Variants in TNFRSF9 observed in about 807,000 individuals in gnomAD.
TNFRSF9 encodes the protein tumor necrosis factor receptor superfamily member 9.
Under a neutral mutation model 28.8 loss-of-function variants are expected in TNFRSF9, and 16 were observed. The ratio of observed to expected loss-of-function variants is 0.55; its 90% CI spans 0.38 to 0.84. The LOEUF is 0.84. TNFRSF9 is among the 40% of genes least tolerant of loss of function. The pLI, the probability that TNFRSF9 is intolerant of heterozygous loss-of-function variation, is 0.00. For missense variants in TNFRSF9, 303 were observed against 315.0 expected, an observed-to-expected ratio of 0.96 and a Z score of 0.29; for synonymous variants, 131 against 117.0, an observed-to-expected ratio of 1.12 and a Z score of -0.77.
rs1243135392 is a variant in TNFRSF9, at chr1:7,920,861, C to G, written c.742G>C (p.Glu248Gln). 3 of 1,613,842 alleles carry G rather than the reference C, an allele frequency of 1.9e-6. No homozygotes were observed. Among genetic ancestry groups the G allele is most frequent in the Non-Finnish European group, 2.5e-6 (3 of 1,179,966 alleles). Residue 248 changes from glutamate to glutamine, a missense_variant, in exon 8 of 8, where the codon GAA (glutamate) becomes CAA (glutamine). Physicochemically the swap from Glu to Gln is conservative, Grantham distance 29. Coordinates refer to ENST00000377507, the MANE Select transcript of TNFRSF9 (RefSeq NM_001561.6). ...EDGCSCRFPE[E>Q]EEGGCEL The stretch of plus-strand genomic sequence containing the variant: ...CACAGTTCACATCCTCCTTCTTCTT[C>G]TTCTGGAAATCGGCAGCTACAGCCA...
At chr1:7,939,379 A>G (rs914245150) in intron 2 of TNFRSF9, among the ~76,000 whole-genome samples, 42 of 152,086 alleles carry the variant, frequency 2.8e-4, no homozygotes, top group Non-Finnish European at 5.3e-4. Flanking sequence ...TATTGTAACA[A>G]ATAAATCAAC....
chr1:7,927,706 CTG>C (rs1265851661), intron 7 of TNFRSF9, among the ~76,000 whole-genome samples: 2 of 150,400 alleles, frequency 1.3e-5, no homozygotes, highest in African/African-American at 4.9e-5. Context: ...AAATAGAAAA[CTG>C]TAAAAGTTAT....
intron 7 of TNFRSF9, among the ~76,000 whole-genome samples, chr1:7,927,951 A>G (rs1257438598): frequency 1.3e-5 from 2 of 152,212 alleles, no homozygotes; most frequent in South Asian, 2.1e-4. Flanking sequence ...AAATACGAAG[A>G]ACTCTTGAAT....
rs911158631 is a variant in TNFRSF9, at chr1:7,919,455, T to C, written c.*1380A>G. On this transcript the variant is annotated 3_prime_UTR_variant, in exon 8 of 8. Coordinates refer to ENST00000377507, the MANE Select transcript of TNFRSF9 (RefSeq NM_001561.6). Reference sequence around the variant, plus strand: ...ACTGGGAGGCGGTGATCCAAGATTGTACCACTGTACTCCAGCCTGGGAGAC... The same window carrying C: ...ACTGGGAGGCGGTGATCCAAGATTGCACCACTGTACTCCAGCCTGGGAGAC... The C allele has an allele frequency of 2.0e-5, 3 of 152,108 alleles. No homozygotes were observed. The highest frequency in any genetic ancestry group is 7.2e-5 in the African/African-American group (3 of 41,426). The allele number at this position is 152,108 out of a possible 1,614,324, so 9.4% of individuals were successfully genotyped here. A position where few individuals can be genotyped will look rare whatever the true frequency, so the allele number is the denominator to read the frequency against.
At chr1:7,926,591 G>A (rs986995946) in intron 7 of TNFRSF9, among the ~76,000 whole-genome samples, 1 of 152,092 alleles carries the variant, frequency 6.6e-6, no homozygotes, top group Non-Finnish European at 1.5e-5. Flanking sequence ...AAATGTATGT[G>A]GAAATGCAAA....
intron 7 of TNFRSF9, among the ~76,000 whole-genome samples, chr1:7,930,033 G>A (rs9658004): frequency 1.4e-5 from 2 of 138,234 alleles, no homozygotes; most frequent in Admixed American, 8.3e-5. Context: ...GCAATGGCAC[G>A]ATCTCAGTTC....
At chr1:7,938,471 A>G in intron 3 of TNFRSF9, 141 bp from the exon 4 acceptor site, 1 of 1,024,618 alleles carries the variant, frequency 9.8e-7, no homozygotes, top group Non-Finnish European at 1.4e-6. Context: ...TTAAATCTCC[A>G]TAAAGACATT....
chr1:7,930,814 A>C (rs948625679), intron 7 of TNFRSF9, among the ~76,000 whole-genome samples: 1 of 152,194 alleles, frequency 6.6e-6, no homozygotes, highest in Non-Finnish European at 1.5e-5. Context: ...GTGAGAACGC[A>C]GAGGTTTAAA....
intron 7 of TNFRSF9, among the ~76,000 whole-genome samples, chr1:7,924,493 G>A (rs186515329): frequency 7.2e-5 from 11 of 151,894 alleles, no homozygotes; most frequent in Non-Finnish European, 1.5e-4. Context: ...CAGGCATGGC[G>A]GCATGCACCT....
Position 7,938,314 on chromosome 1 carries a change from C to G in TNFRSF9, c.225G>C (p.Arg75Ser). Residue 75 changes from arginine to serine, a missense_variant, in exon 4 of 8, where the codon AGG becomes AGC. By Grantham distance (110) the Arg-to-Ser change is moderately radical. Coordinates refer to ENST00000377507, the MANE Select transcript of TNFRSF9 (RefSeq NM_001561.6). The stretch of plus-strand genomic sequence containing the variant: ...CATTGCTGGTGGAGGAACACTCCTT[C>G]CTGGTCCTGAAAACACCTACAAAGT... Reference protein sequence around the residue: ...CRQCKGVFRTRKECSSTSNAE... With the variant: ...CRQCKGVFRTSKECSSTSNAE... The G allele has an allele frequency of 3.1e-6, 5 of 1,605,724 alleles. No individual in the cohort carries two copies. Among genetic ancestry groups the G allele is most frequent in the Non-Finnish European group, 4.3e-6 (5 of 1,176,402 alleles).
intron 7 of TNFRSF9, among the ~76,000 whole-genome samples, chr1:7,923,521 A>G (rs1365142846): frequency 6.6e-6 from 1 of 152,164 alleles, no homozygotes; most frequent in Non-Finnish European, 1.5e-5. Flanking sequence ...TGTCAGAGGA[A>G]CCCTGAGAAA....
chr1:7,930,358 A>G (rs367767991), intron 7 of TNFRSF9, among the ~76,000 whole-genome samples: 1 of 152,148 alleles, frequency 6.6e-6, no homozygotes, highest in Non-Finnish European at 1.5e-5. Context: ...AGTGTCCTAA[A>G]AACTTTTAAA....
Position 7,935,136 on chromosome 1 carries a change from A to C in TNFRSF9, c.421T>G (p.Leu141Val). Residue 141 changes from leucine (L) to valine (V), a missense_variant, in exon 6 of 8, where the codon TTG becomes GTG. Transcript: ENST00000377507. Reference protein sequence around the residue: ...GICRPWTNCSLDGKSVLVNGT... With the variant: ...GICRPWTNCSVDGKSVLVNGT... ...TTCACAAGCACAGACTTTCCATCCA[A>C]AGAACAGCTTAGACAGTTCAATGAA... 1 of 1,614,220 alleles carries C rather than the reference A, an allele frequency of 6.2e-7. No homozygotes were observed. The highest frequency in any genetic ancestry group is 8.5e-7 in the Non-Finnish European group (1 of 1,180,024).
intron 7 of TNFRSF9, among the ~76,000 whole-genome samples, chr1:7,923,296 G>C (rs1469991977): frequency 3.3e-5 from 5 of 152,194 alleles, no homozygotes; most frequent in East Asian, 1.9e-4. Flanking sequence ...ACTGAGTAGA[G>C]AGCCTGGACT....
chr1:7,926,320 T>C (rs912894780), intron 7 of TNFRSF9, among the ~76,000 whole-genome samples: 3 of 152,158 alleles, frequency 2.0e-5, no homozygotes, highest in African/African-American at 7.2e-5. Context: ...AGGTTTGTAG[T>C]ATAGGAGGGA....
rs1639487392 is a variant in TNFRSF9, at chr1:7,916,915, A to C, written c.*3920T>G. The stretch of plus-strand genomic sequence containing the variant: ...TTATATTGAATAATAAAGAACCAAG[A>C]ATAACCAAGACATCTCTTTTCTTTT... On this transcript the variant is annotated 3_prime_UTR_variant, in exon 8 of 8. Transcript: ENST00000377507. The C allele has an allele frequency of 6.6e-6, 1 of 152,180 alleles. No homozygotes were observed. The highest frequency in any genetic ancestry group is 2.1e-4 in the South Asian group (1 of 4,830). The allele number at this position is 152,180 out of a possible 1,614,324, so 9.4% of individuals were successfully genotyped here.
At chr1:7,936,397 A>C (rs745748383) in intron 5 of TNFRSF9, 1 of 159,742 alleles carries the variant, frequency 6.3e-6, no homozygotes, top group Non-Finnish European at 1.4e-5. Context: ...AGCCTGGGCA[A>C]GAAGAGCGAA....
rs1272992544 is a variant in TNFRSF9 at position 7,938,256 on chromosome 1, G to C, written c.283C>G (p.Leu95Val). ...TCACACATGCTGCATCCTGCCCCCA[G>C]GCAGTGAAACCCTGGAGTGCAGTCA... ...ECDCTPGFHC[L>V]GAGCSMCEQD... The change falls in exon 4 of 8, where the codon CTG becomes GTG. Residue 95 changes from leucine (L) to valine (V), a missense_variant. By Grantham distance (32) the Leu-to-Val change is conservative. Transcript: ENST00000377507. 4 of 1,608,590 alleles carry C rather than the reference G, an allele frequency of 2.5e-6. No homozygotes were observed. The highest frequency in any genetic ancestry group is 2.5e-6 in the Non-Finnish European group (3 of 1,177,772).
rs1211538600 is a variant in TNFRSF9 at position 7,919,512 on chromosome 1, A to G, written c.*1323T>C. 6.6e-6 allele frequency: 1 copy of G among 152,092 alleles called. No homozygotes were observed. Among genetic ancestry groups the G allele is most frequent in the Admixed American group, 6.6e-5 (1 of 15,194 alleles). 9.4% of individuals were successfully genotyped at this position (152,092 alleles called of 1,614,324 possible). On this transcript the variant is annotated 3_prime_UTR_variant, in exon 8 of 8. Transcript: ENST00000377507. ...AGACACTGTCTCAAAAAAAAATAAA[A>G]TGAATAAAATTTAAAAAGCTATCCT... is the stretch of plus-strand genomic sequence containing the variant.
Sources: gnomAD v4.1 joint callset for allele counts (sites outside exome capture counted in the v4.1 genomes callset) on GRCh38, gnomAD v4.1.1 for gene constraint, MANE v1.5 for transcripts, NCBI Gene and HGNC (gene_info 2026-07-23, HGNC 2026-07-21) for gene names.